The following UNC80 variants were observed in gnomAD, a reference collection of about 807,000 sequenced individuals.
The protein encoded by UNC80 is protein unc-80 homolog.
In UNC80, 164 loss-of-function variants were observed where a neutral mutation model predicts 384.6. The ratio of observed to expected loss-of-function variants is 0.43; its 90% CI spans 0.38 to 0.49. The LOEUF is 0.49. Among genes scored for constraint, UNC80 ranks in the 20% least tolerant of loss-of-function variants. The pLI is 0.00. For synonymous variants in UNC80, 1,486 were observed against 1,527.8 expected (o/e 0.97, Z 0.64); for missense variants, 3,330 against 4,143.0 (o/e 0.80, Z 5.39).
Position 209,918,705 on chromosome 2 carries a change from A to G in UNC80, c.5343+42A>G, listed in dbSNP as rs2089769357. ...TCCAGGTTCCATGGTGTACGTGTAA[A>G]AGAGAACAATTAATATTTGTGGTAA... is the stretch of plus-strand genomic sequence containing the variant. On this transcript the variant is annotated intron_variant, in intron 33 of 64. Coordinates refer to ENST00000673920, the MANE Select transcript of UNC80 (RefSeq NM_001371986.1). 4 of 1,480,414 alleles carry G rather than the reference A, an allele frequency of 2.7e-6. No individual in the cohort carries two copies. The South Asian group carries it at 5.4e-5, about 20-fold the overall frequency. 91.7% of individuals were successfully genotyped at this position (1,480,414 alleles called of 1,614,324 possible).
chr2:209,831,627 A>T, intron 16 of UNC80, 36 bp downstream of exon 16: 1 of 1,494,272 alleles, frequency 6.7e-7, no homozygotes, highest in Non-Finnish European at 8.9e-7. Context: ...AGGAGCTCTC[A>T]GTCTCTGCCC....
chr2:209,898,533 G>A (rs1386781524), intron 28 of UNC80, among the ~76,000 whole-genome samples: 4 of 151,976 alleles, frequency 2.6e-5, no homozygotes, highest in Non-Finnish European at 5.9e-5. Flanking sequence ...GGTACATGAG[G>A]TGTTTTGATA....
Position 209,984,886 on chromosome 2 carries a change from C to T in UNC80, c.9288C>T (p.Gly3096=). The T allele has an allele frequency of 2.6e-6, 4 of 1,550,960 alleles. No homozygotes were observed. The highest frequency in any genetic ancestry group is 3.5e-6 in the Non-Finnish European group (4 of 1,146,676). Residue 3096 remains glycine (G), a synonymous_variant, in exon 61 of 65, where the codon GGC becomes GGT. Transcript: ENST00000673920. ...SEPNVLDDSQ[G]LAAEGSLSRV... is the part of the protein sequence containing the mutation. ...CTAATGTCCTCGATGACTCCCAGGG[C>T]CTGGCCGCCGAGGGCAGCCTCTCTA...
At position 209,903,392 on chromosome 2, in the gene UNC80, TTA is replaced by T. The variant is rs1227450964; in HGVS notation, c.4582-1363_4582-1362del. On this transcript the variant is annotated intron_variant, in intron 28 of 64. Transcript: ENST00000673920. ...CCTGCAGGAAATTGTGTATATATAT[TTA>T]TATATATATTATATATATACACATT... 1.6e-3 allele frequency among the ~76,000 whole-genome samples: 193 copies of T among 119,500 alleles called. 1 individual carries two copies. Among genetic ancestry groups the T allele is most frequent in the African/African-American group, 5.8e-3 (182 of 31,378 alleles). 78.4% of individuals were successfully genotyped at this position (119,500 alleles called of 152,430 possible).
chr2:209,930,339 T>C (rs1408557437), intron 37 of UNC80, among the ~76,000 whole-genome samples: 1 of 152,122 alleles, frequency 6.6e-6, no homozygotes, highest in Non-Finnish European at 1.5e-5. Context: ...AAAACCTGAT[T>C]TGTCAGACCA....
chr2:209,844,476 T>TTTCTTTCTTTCTTTCTTTCC, intron 21 of UNC80, among the ~76,000 whole-genome samples: 1 of 69,538 alleles, frequency 1.4e-5, no homozygotes, highest in East Asian at 3.8e-4. Flanking sequence ...TCTTTCTTTC[T>TTTCTTTCTTTCTTTCTTTCC]TTCCTTCCTT....
At position 209,996,881 on chromosome 2, in the gene UNC80, G is replaced by A. The variant is rs1169281169; in HGVS notation, c.*1286G>A. On this transcript the variant is annotated 3_prime_UTR_variant, in exon 65 of 65. Coordinates refer to ENST00000673920, the MANE Select transcript of UNC80 (RefSeq NM_001371986.1). ...ATATACATACTTAAATTGGTACGGT[G>A]GTGTATGTGTGCGTGCGTGTGTGTG... 1 of 152,006 alleles carries A rather than the reference G, an allele frequency of 6.6e-6. No individual in the cohort carries two copies. Among genetic ancestry groups the A allele is most frequent in the Non-Finnish European group, 1.5e-5 (1 of 67,958 alleles). The allele number at this position is 152,006 out of a possible 1,614,324, so 9.4% of individuals were successfully genotyped here.
intron 18 of UNC80, among the ~76,000 whole-genome samples, chr2:209,836,409 C>T (rs184316603): frequency 1.3e-5 from 2 of 152,080 alleles, no homozygotes; most frequent in Admixed American, 1.3e-4. Context: ...TGAGAATGAT[C>T]GAATAGCCAA....
intron 7 of UNC80, among the ~76,000 whole-genome samples, chr2:209,801,241 A>G (rs1204065528): frequency 6.6e-6 from 1 of 152,052 alleles, no homozygotes; most frequent in Non-Finnish European, 1.5e-5. Context: ...GTGCTCCTGT[A>G]TTGGGTACAT....
At chr2:209,987,531 A>G (rs751819621) in intron 61 of UNC80, among the ~76,000 whole-genome samples, 25 of 152,238 alleles carry the variant, frequency 1.6e-4, no homozygotes, top group Non-Finnish European at 3.7e-4. Context: ...ACACATATCC[A>G]TGGACATGTT....
intron 34 of UNC80, among the ~76,000 whole-genome samples, chr2:209,921,887 A>G (rs1392831511): frequency 6.6e-6 from 1 of 152,242 alleles, no homozygotes. Context: ...GACATTAGTT[A>G]CATTAAATGA....
chr2:209,840,741 T>G (rs1242415741), intron 20 of UNC80, 93 bp downstream of exon 20: 1 of 1,023,508 alleles, frequency 9.8e-7, no homozygotes, highest in African/African-American at 1.6e-5. Flanking sequence ...AGGGGCCAAA[T>G]AAGGAAAAGC....
chr2:209,995,287 C>T, intron 64 of UNC80, 42 bp from the exon 65 acceptor site: 3 of 1,543,982 alleles, frequency 1.9e-6, no homozygotes, highest in Non-Finnish European at 1.8e-6. Context: ...TCTCTGGTAC[C>T]CATCCTATCT....
chr2:209,946,902 C>A (rs929457748), intron 47 of UNC80, among the ~76,000 whole-genome samples: 1 of 152,054 alleles, frequency 6.6e-6, no homozygotes, highest in African/African-American at 2.4e-5. Context: ...CCAGGAGGAG[C>A]GGGATTTATA....
chr2:209,982,257 C>T lies in UNC80; in HGVS notation c.9197C>T (p.Ser3066Phe), dbSNP rs1313976491. The T allele has an allele frequency of 6.4e-7, 1 of 1,551,528 alleles. No homozygotes were observed. Among genetic ancestry groups the T allele is most frequent in the Admixed American group, 2.0e-5 (1 of 50,980 alleles). ...AGTGCCATTGGAAGGAGGCGATTCT[C>T]CAGCCATGTCTCCAGCATGTCTGTA... Reference protein sequence around the residue: ...LLSAIGRRRFSSHVSSMSVPQ... With the variant: ...LLSAIGRRRFFSHVSSMSVPQ... The change falls in exon 60 of 65, where the codon TCC becomes TTC. Residue 3066 changes from serine (S) to phenylalanine (F), a missense_variant. By Grantham distance (155) the Ser-to-Phe change is radical. Coordinates refer to ENST00000673920, the MANE Select transcript of UNC80 (RefSeq NM_001371986.1).
chr2:209,828,018 AGGCTTGC>A, intron 14 of UNC80, among the ~76,000 whole-genome samples: 1 of 152,210 alleles, frequency 6.6e-6, no homozygotes, highest in Middle Eastern at 3.2e-3. Context: ...TGATATTCTT[AGGCTTGC>A]TTAAACTTCC....
Position 209,777,325 on chromosome 2 carries a change from G to A in UNC80, c.366G>A (p.Glu122=). 1.2e-6 allele frequency: 2 copies of A among 1,614,082 alleles called. No homozygotes were observed. Among genetic ancestry groups the A allele is most frequent in the Non-Finnish European group, 1.7e-6 (2 of 1,180,008 alleles). ...ACACTCTACACTGGATGCTTCTGGA[G>A]GCCCCCCAGGACTGCAACAATGAGC... is the stretch of plus-strand genomic sequence containing the variant. ...LLHTLHWMLL[E]APQDCNNERF... The change falls in exon 4 of 65, where the codon GAG becomes GAA. Residue 122 remains glutamate, a synonymous_variant. Transcript: ENST00000673920.
intron 21 of UNC80, among the ~76,000 whole-genome samples, chr2:209,848,352 A>C (rs2082301004): frequency 6.6e-6 from 1 of 152,138 alleles, no homozygotes; most frequent in African/African-American, 2.4e-5. Context: ...TGAACTTTTG[A>C]ATATGGAATA....
At chr2:209,833,790 A>G (rs1011582731) in intron 16 of UNC80, among the ~76,000 whole-genome samples, 2 of 152,166 alleles carry the variant, frequency 1.3e-5, no homozygotes, top group Non-Finnish European at 2.9e-5. Context: ...TTTTTATACC[A>G]AGGATGACCA....
Sources: allele counts gnomAD v4.1 joint callset (sites outside exome capture counted in the v4.1 genomes callset), GRCh38; gene constraint gnomAD v4.1.1; transcripts MANE v1.5; gene names NCBI Gene and HGNC (gene_info 2026-07-23, HGNC 2026-07-21).